ARHGAP18: variants seen among roughly 807,000 people sequenced by gnomAD.
The protein encoded by ARHGAP18 is rho GTPase-activating protein 18.
In ARHGAP18, 67 loss-of-function variants were observed where a neutral mutation model predicts 86.2. That is an observed-to-expected ratio of 0.78 (90% CI 0.64 to 0.95). The LOEUF (loss-of-function observed/expected upper bound fraction) is 0.95, where lower values mean the gene tolerates loss of function less well. Among genes scored for constraint, ARHGAP18 ranks in the 40% least tolerant of loss-of-function variants. The pLI is 0.00. For missense variants in ARHGAP18, 691 were observed against 780.4 expected, an observed-to-expected ratio of 0.89 and a Z score of 1.37; for synonymous variants, 283 against 280.4, an observed-to-expected ratio of 1.01 and a Z score of -0.09.
chr6:129,679,896 C>G (rs1014366000), intron 1 of ARHGAP18, among the ~76,000 whole-genome samples: 3 of 152,206 alleles, frequency 2.0e-5, no homozygotes, highest in African/African-American at 4.8e-5. Context: ...AGGCAGCACT[C>G]CCTCCGAAGC....
chr6:129,607,764 G>T, intron 9 of ARHGAP18, 129 bp downstream of exon 9: 2 of 958,886 alleles, frequency 2.1e-6, no homozygotes, highest in Non-Finnish European at 2.9e-6. Context: ...AGCACCCACT[G>T]ACATCAGTTG....
At chr6:129,600,569 T>C (rs1788716074) in intron 11 of ARHGAP18, 73 bp downstream of exon 11, 1 of 1,274,474 alleles carries the variant, frequency 7.8e-7, no homozygotes, top group African/African-American at 1.5e-5. Context: ...TAAATGTAAA[T>C]TAATAAAGCT....
At chr6:129,675,754 T>C (rs1376313963) in intron 1 of ARHGAP18, among the ~76,000 whole-genome samples, 1 of 152,194 alleles carries the variant, frequency 6.6e-6, no homozygotes, top group African/African-American at 2.4e-5. Context: ...TCCTTGTTCC[T>C]AGAGATGCAG....
intron 1 of ARHGAP18, among the ~76,000 whole-genome samples, chr6:129,660,881 G>A (rs1275451105): frequency 6.6e-6 from 1 of 151,926 alleles, no homozygotes; most frequent in African/African-American, 2.4e-5. Context: ...ATCTGTGTGT[G>A]GTGTGAGGGA....
chr6:129,661,985 C>T (rs1303233120), intron 1 of ARHGAP18: 1 of 919,906 alleles, frequency 1.1e-6, no homozygotes, highest in Admixed American at 6.2e-5. Flanking sequence ...CACACACACA[C>T]ACACACAGAA....
Position 129,710,055 on chromosome 6 carries a change from G to A in ARHGAP18, c.82C>T (p.His28Tyr), listed in dbSNP as rs1774880243. The part of the protein sequence containing the change: ...SGKDQTVGNS[H>Y]AKAGEEATSS... ...GTGGCTTCCTCCCCTGCCTTTGCAT[G>A]GCTGTTCCCGACGGTCTGGTCCTTG... The change falls in exon 1 of 15, where the codon CAT becomes TAT. Residue 28 changes from histidine (H) to tyrosine (Y), a missense_variant. Coordinates refer to ENST00000368149, the MANE Select transcript of ARHGAP18 (RefSeq NM_033515.3). 1 of 1,614,118 alleles carries A rather than the reference G, an allele frequency of 6.2e-7. No homozygotes were observed.
At chr6:129,645,675 T>C (rs529925342) in intron 1 of ARHGAP18, among the ~76,000 whole-genome samples, 3 of 152,340 alleles carry the variant, frequency 2.0e-5, no homozygotes, top group Admixed American at 1.3e-4. Context: ...CTAAAGGAAG[T>C]TGCCAGAGTT....
At chr6:129,588,618 C>A (rs1486007762) in intron 12 of ARHGAP18, among the ~76,000 whole-genome samples, 1 of 152,176 alleles carries the variant, frequency 6.6e-6, no homozygotes, top group Non-Finnish European at 1.5e-5. Flanking sequence ...CAGCTGTCAG[C>A]AGATCTACCA....
At chr6:129,630,701 T>C (rs1421792971) in intron 4 of ARHGAP18, among the ~76,000 whole-genome samples, 2 of 152,190 alleles carry the variant, frequency 1.3e-5, no homozygotes, top group Non-Finnish European at 2.9e-5. Context: ...CCATTCAATA[T>C]GCAGAGTAGA....
At chr6:129,633,433 T>TCAA (rs1773260978) in intron 4 of ARHGAP18, among the ~76,000 whole-genome samples, 1 of 40,440 alleles carries the variant, frequency 2.5e-5, no homozygotes, top group Admixed American at 2.2e-4. Flanking sequence ...AGACTCCACC[T>TCAA]CAAAAAAAAA....
intron 1 of ARHGAP18, among the ~76,000 whole-genome samples, chr6:129,703,352 TAACAG>T (rs1774750599): frequency 1.3e-5 from 2 of 152,198 alleles, no homozygotes; most frequent in Admixed American, 6.5e-5. Context: ...TGATAAATAA[TAACAG>T]AACTCAAAAT....
At chr6:129,608,519 T>A (rs1788905749) in intron 8 of ARHGAP18, among the ~76,000 whole-genome samples, 2 of 152,186 alleles carry the variant, frequency 1.3e-5, no homozygotes, top group Admixed American at 6.5e-5. Flanking sequence ...CTCTGATTAG[T>A]CACCTACGGG....
intron 1 of ARHGAP18, among the ~76,000 whole-genome samples, chr6:129,651,615 G>C (rs944151125): frequency 2.0e-5 from 3 of 152,016 alleles, no homozygotes; most frequent in Admixed American, 6.5e-5. Context: ...TTCCAGCATA[G>C]GCCTCCAGGT....
chr6:129,673,381 G>A (rs1562719892), intron 1 of ARHGAP18, among the ~76,000 whole-genome samples: 1 of 150,766 alleles, frequency 6.6e-6, no homozygotes, highest in Admixed American at 6.6e-5. Context: ...CTTAAATAGA[G>A]TAGCCAAATC....
chr6:129,613,921 T>A lies in ARHGAP18; in HGVS notation c.1044+2291A>T, dbSNP rs141417033. Among the ~76,000 whole-genome samples the A allele has an allele frequency of 8.5e-5, 13 of 152,232 alleles. No individual in the cohort carries two copies. The East Asian group carries it at 2.5e-3, about 29-fold the overall frequency. ...TCAAAATATATATTACATACTTATG[T>A]GAATTGAAAAATGAAATGAAAACAC... On this transcript the variant is annotated intron_variant, in intron 7 of 14. Coordinates refer to ENST00000368149, the MANE Select transcript of ARHGAP18 (RefSeq NM_033515.3).
intron 10 of ARHGAP18, among the ~76,000 whole-genome samples, chr6:129,604,403 T>G (rs747518376): frequency 6.6e-5 from 10 of 152,174 alleles, no homozygotes; most frequent in Non-Finnish European, 1.3e-4. Flanking sequence ...CTCCTACAAC[T>G]ACTTGAACTC....
chr6:129,627,648 A>G (rs1789508651), intron 5 of ARHGAP18, among the ~76,000 whole-genome samples: 1 of 151,966 alleles, frequency 6.6e-6, no homozygotes, highest in Admixed American at 6.6e-5. Flanking sequence ...GGATAGAGGG[A>G]AAGGAAGAAA....
chr6:129,708,324 C>T (rs1262107400), intron 1 of ARHGAP18, among the ~76,000 whole-genome samples: 1 of 152,316 alleles, frequency 6.6e-6, no homozygotes, highest in Admixed American at 6.5e-5. Flanking sequence ...TGGCCCCACA[C>T]AGGGCACTTG....
chr6:129,665,902 A>G (rs867006894), intron 1 of ARHGAP18, among the ~76,000 whole-genome samples: 4 of 152,192 alleles, frequency 2.6e-5, no homozygotes, highest in African/African-American at 7.2e-5. Flanking sequence ...TTCTTGGCAC[A>G]GAGGAAAGTG....
Sources: allele counts gnomAD v4.1 joint callset (sites outside exome capture counted in the v4.1 genomes callset), GRCh38; gene constraint gnomAD v4.1.1; transcripts MANE v1.5; gene names NCBI Gene and HGNC (gene_info 2026-07-23, HGNC 2026-07-21).